GRIK4: variants seen among roughly 807,000 people sequenced by gnomAD.
GRIK4 encodes the protein glutamate ionotropic receptor kainate type subunit 4, also known as glutamate receptor ionotropic, kainate 4.
Under a neutral mutation model 104.9 loss-of-function variants are expected in GRIK4, and 40 were observed. That is an observed-to-expected ratio of 0.38 (90% CI 0.30 to 0.50). The LOEUF (loss-of-function observed/expected upper bound fraction) is 0.50. GRIK4 is among the 20% of genes least tolerant of loss of function. GRIK4 has a pLI of 0.93. For missense variants in GRIK4, 1,047 were observed against 1,308.1 expected (o/e 0.80, Z 3.08); for synonymous variants, 485 against 524.9 (o/e 0.92, Z 1.04).
intron 15 of GRIK4, among the ~76,000 whole-genome samples, chr11:120,955,742 TG>T (rs1465989825): frequency 6.6e-6 from 1 of 151,876 alleles, no homozygotes; most frequent in African/African-American, 2.4e-5. Context: ...AAACAAACAC[TG>T]ATGTCCAGGC....
intron 3 of GRIK4, among the ~76,000 whole-genome samples, chr11:120,691,823 C>T (rs962399052): frequency 6.6e-6 from 1 of 152,180 alleles, no homozygotes; most frequent in African/African-American, 2.4e-5. Flanking sequence ...CCTGCTGATC[C>T]CCTGCCAGTG....
intron 1 of GRIK4, among the ~76,000 whole-genome samples, chr11:120,621,204 C>T (rs1042645655): frequency 2.6e-5 from 4 of 152,150 alleles, no homozygotes; most frequent in Non-Finnish European, 2.9e-5. Context: ...GGGGTGGGCA[C>T]GGTGAGTCTG....
At chr11:120,676,760 T>C (rs528205032) in intron 3 of GRIK4, among the ~76,000 whole-genome samples, 56 of 152,332 alleles carry the variant, frequency 3.7e-4, no homozygotes, top group Non-Finnish European at 7.1e-4. Context: ...GGATAAAATT[T>C]CAACATGAGT....
At chr11:120,911,795 T>C (rs984090047) in intron 13 of GRIK4, among the ~76,000 whole-genome samples, 1 of 146,404 alleles carries the variant, frequency 6.8e-6, no homozygotes, top group Non-Finnish European at 1.5e-5. Context: ...TGAGCCGAGA[T>C]CGTGTGCCAT....
chr11:120,917,812 G>A (rs1001828021), intron 13 of GRIK4, among the ~76,000 whole-genome samples: 1 of 152,214 alleles, frequency 6.6e-6, no homozygotes, highest in African/African-American at 2.4e-5. Flanking sequence ...AGCAGCCTGG[G>A]AAACTTATCA....
chr11:120,774,699 T>G (rs1308301083), intron 3 of GRIK4, among the ~76,000 whole-genome samples: 1 of 152,140 alleles, frequency 6.6e-6, no homozygotes, highest in East Asian at 1.9e-4. Flanking sequence ...CAGGTCCTTA[T>G]AGTCTGCATT....
At chr11:120,826,711 C>G (rs1953270878) in intron 6 of GRIK4, among the ~76,000 whole-genome samples, 1 of 152,224 alleles carries the variant, frequency 6.6e-6, no homozygotes, top group African/African-American at 2.4e-5. Context: ...AGCAAGAAGC[C>G]TCAGCTGGCT....
At chr11:120,755,059 A>C (rs1037837940) in intron 3 of GRIK4, among the ~76,000 whole-genome samples, 1 of 152,242 alleles carries the variant, frequency 6.6e-6, no homozygotes, top group Non-Finnish European at 1.5e-5. Context: ...ACAATGAAAC[A>C]TCATTAATTT....
chr11:120,642,250 G>C (rs949494389), intron 1 of GRIK4, among the ~76,000 whole-genome samples: 1 of 152,176 alleles, frequency 6.6e-6, no homozygotes, highest in Non-Finnish European at 1.5e-5. Flanking sequence ...AGGATGGCTT[G>C]AGCCCAGGAG....
intron 8 of GRIK4, chr11:120,858,851 A>G (rs1591997242): frequency 6.6e-6 from 1 of 152,232 alleles, no homozygotes; most frequent in East Asian, 1.9e-4. Context: ...CCTAACTGTA[A>G]GGATTCTTAG....
intron 1 of GRIK4, among the ~76,000 whole-genome samples, chr11:120,535,233 C>T (rs915075914): frequency 2.1e-5 from 3 of 145,772 alleles, no homozygotes; most frequent in Non-Finnish European, 4.5e-5. Context: ...AGATGGGGGT[C>T]CTGAGGAGGT....
At chr11:120,904,176 A>G (rs1301208084) in intron 12 of GRIK4, among the ~76,000 whole-genome samples, 1 of 152,056 alleles carries the variant, frequency 6.6e-6, no homozygotes, top group Non-Finnish European at 1.5e-5. Context: ...GTACATGTGC[A>G]ATCTCTGGCC....
Position 120,964,146 on chromosome 11 carries a change from C to A in GRIK4, c.2266+1465C>A, listed in dbSNP as rs1001851892. ...AGCTGGGACTACAGACGTGCACTAC[C>A]ACACCCAGCTAATTTTTGTATTTTT... On this transcript the variant is annotated intron_variant, in intron 18 of 20. Coordinates refer to ENST00000527524, the MANE Select transcript of GRIK4 (RefSeq NM_014619.5). Among the ~76,000 whole-genome samples the A allele has an allele frequency of 2.0e-5, 3 of 152,122 alleles. No individual in the cohort carries two copies. The South Asian group carries it at 6.2e-4, about 32-fold the overall frequency.
rs1555132646 is a variant in GRIK4 at position 120,519,889 on chromosome 11, T to TTTTTTG, written c.-159+8004_-159+8005insTTTGTT. On this transcript the variant is annotated intron_variant, in intron 1 of 20. Coordinates refer to ENST00000527524, the MANE Select transcript of GRIK4 (RefSeq NM_014619.5). ...GGTTTTTTTTTTTTTTGTTTTTTTT[T>TTTTTTG]TTGTTGTTGTTGTTTTTTTTTGAGA... 3.3e-4 allele frequency among the ~76,000 whole-genome samples: 48 copies of TTTTTTG among 146,638 alleles called. 1 individual carries two copies. Among genetic ancestry groups the TTTTTTG allele is most frequent in the African/African-American group, 1.1e-3 (42 of 38,960 alleles).
At chr11:120,835,252 G>A (rs982081378) in intron 7 of GRIK4, among the ~76,000 whole-genome samples, 4 of 152,198 alleles carry the variant, frequency 2.6e-5, no homozygotes, top group Non-Finnish European at 4.4e-5. Context: ...AAGATTACAG[G>A]CGCGGTGCCT....
intron 9 of GRIK4, among the ~76,000 whole-genome samples, chr11:120,866,185 C>T (rs1170652005): frequency 6.6e-6 from 1 of 152,196 alleles, no homozygotes; most frequent in Non-Finnish European, 1.5e-5. Flanking sequence ...CATAGTCACA[C>T]AGTGAAGATC....
intron 1 of GRIK4, among the ~76,000 whole-genome samples, chr11:120,611,233 G>A (rs993539429): frequency 3.3e-5 from 5 of 152,178 alleles, no homozygotes; most frequent in South Asian, 2.1e-4. Context: ...ATAGCGGATA[G>A]GATGTAGAGA....
At chr11:120,836,590 G>C (rs1953579942) in intron 7 of GRIK4, among the ~76,000 whole-genome samples, 1 of 152,284 alleles carries the variant, frequency 6.6e-6, no homozygotes, top group South Asian at 2.1e-4. Flanking sequence ...GAGGTGGAGA[G>C]ACCCCGCTCT....
chr11:120,737,529 C>G (rs1171035999), intron 3 of GRIK4, among the ~76,000 whole-genome samples: 1 of 152,082 alleles, frequency 6.6e-6, no homozygotes, highest in African/African-American at 2.4e-5. Context: ...ATGCAGGCCA[C>G]AGAATCCAGA....
Sources: allele counts gnomAD v4.1 joint callset (sites outside exome capture counted in the v4.1 genomes callset), GRCh38; gene constraint gnomAD v4.1.1; transcripts MANE v1.5; gene names NCBI Gene and HGNC (gene_info 2026-07-23, HGNC 2026-07-21).